The following PCSK5 variants were observed in gnomAD, a reference collection of about 807,000 sequenced individuals.
PCSK5 encodes the protein prohormone convertase 5.
A neutral mutation model predicts 233.2 loss-of-function variants in PCSK5; 129 were observed. The observed-to-expected ratio is 0.55, with a 90% CI of 0.48 to 0.64. The LOEUF (loss-of-function observed/expected upper bound fraction) is 0.64. PCSK5 is among the 30% of genes least tolerant of loss of function. The pLI is 0.00. For missense variants in PCSK5, 2,076 were observed against 2,430.1 expected, an observed-to-expected ratio of 0.85 and a Z score of 3.06; for synonymous variants, 825 against 879.2, an observed-to-expected ratio of 0.94 and a Z score of 1.09.
At chr9:76,098,716 GAA>G (rs1461170059) in intron 8 of PCSK5, among the ~76,000 whole-genome samples, 4 of 152,206 alleles carry the variant, frequency 2.6e-5, no homozygotes, top group Non-Finnish European at 5.9e-5. Context: ...TTCTGTAAGG[GAA>G]GCATATAGTC....
intron 2 of PCSK5, among the ~76,000 whole-genome samples, chr9:75,961,627 G>A (rs1044666312): frequency 6.6e-6 from 1 of 152,296 alleles, no homozygotes; most frequent in African/African-American, 2.4e-5. Flanking sequence ...TATTTCAACT[G>A]TCAATTTTAT....
At chr9:75,908,884 T>TATCTATCTATCG (rs1399043953) in intron 1 of PCSK5, among the ~76,000 whole-genome samples, 1 of 107,076 alleles carries the variant, frequency 9.3e-6, no homozygotes, top group East Asian at 2.5e-4. Context: ...TTTATCTATC[T>TATCTATCTATCG]ATCTATCTAT....
intron 2 of PCSK5, among the ~76,000 whole-genome samples, chr9:75,933,359 CCT>C (rs1484113882): frequency 6.6e-6 from 1 of 152,026 alleles, no homozygotes; most frequent in Non-Finnish European, 1.5e-5. Context: ...CTGTGGGCTC[CCT>C]GTGTATTATT....
intron 21 of PCSK5, among the ~76,000 whole-genome samples, chr9:76,228,127 G>A (rs573278993): frequency 3.9e-5 from 6 of 151,956 alleles, no homozygotes; most frequent in Admixed American, 1.3e-4. Context: ...CCACCACCAC[G>A]CCTGGCTAAC....
At chr9:76,115,528 T>G (rs1455887914) in intron 9 of PCSK5, among the ~76,000 whole-genome samples, 8 of 152,128 alleles carry the variant, frequency 5.3e-5, no homozygotes, top group African/African-American at 2.4e-5. Context: ...TGAGATTTAG[T>G]ATTAAATTTA....
chr9:76,328,056 A>G lies in PCSK5; in HGVS notation c.4387A>G (p.Thr1463Ala), dbSNP rs2131472598. The G allele has an allele frequency of 6.2e-7, 1 of 1,612,758 alleles. No individual in the cohort carries two copies. Among genetic ancestry groups the G allele is most frequent in the Non-Finnish European group, 8.5e-7 (1 of 1,179,818 alleles). Residue 1463 changes from threonine to alanine, a missense_variant, in exon 33 of 38, where the codon ACC becomes GCC. Thr to Ala is a moderately conservative substitution (Grantham distance 58, BLOSUM62 0). Around this residue, in one of 6 missense-constraint regions of PCSK5, gnomAD observed 1,510 missense variants for 1,538.1 expected, o/e 0.98. Transcript: ENST00000674117. ...CTGCTCATCATCTGGGACCTGCACCACCTGTCAGAAAGGCCTGATCATGAA... is the reference window on the plus strand; with the variant it reads ...CTGCTCATCATCTGGGACCTGCACCGCCTGTCAGAAAGGCCTGATCATGAA... ...LTCSSSGTCT[T>A]CQKGLIMNPR...
intron 5 of PCSK5, among the ~76,000 whole-genome samples, chr9:76,036,751 G>A (rs1013976256): frequency 3.3e-5 from 5 of 152,320 alleles, no homozygotes; most frequent in South Asian, 2.1e-4. Flanking sequence ...TGGCGGAATC[G>A]GAATTTGAGC....
intron 2 of PCSK5, among the ~76,000 whole-genome samples, chr9:75,943,745 A>G (rs922165530): frequency 6.6e-6 from 1 of 152,244 alleles, no homozygotes; most frequent in African/African-American, 2.4e-5. Context: ...GTGTAATGCA[A>G]TATAATGAAC....
At chr9:76,153,112 T>C (rs1823741901) in intron 10 of PCSK5, among the ~76,000 whole-genome samples, 1 of 152,202 alleles carries the variant, frequency 6.6e-6, no homozygotes, top group African/African-American at 2.4e-5. Flanking sequence ...TGATATCTTA[T>C]ACCTATCAAA....
intron 33 of PCSK5, among the ~76,000 whole-genome samples, chr9:76,329,166 C>T (rs571714835): frequency 7.1e-4 from 108 of 151,416 alleles, no homozygotes; most frequent in Non-Finnish European, 3.5e-4. Flanking sequence ...GTTGGCCAGG[C>T]GCAGTACCCA....
At chr9:75,946,161 G>A (rs1824556877) in intron 2 of PCSK5, among the ~76,000 whole-genome samples, 1 of 152,168 alleles carries the variant, frequency 6.6e-6, no homozygotes, top group Non-Finnish European at 1.5e-5. Flanking sequence ...AAGTGATAGA[G>A]GCAATAATAA....
At chr9:76,034,675 C>G (rs1241885605) in intron 5 of PCSK5, among the ~76,000 whole-genome samples, 1 of 152,134 alleles carries the variant, frequency 6.6e-6, no homozygotes, top group Non-Finnish European at 1.5e-5. Flanking sequence ...GGTTATCCCT[C>G]CAATCAGTTT....
At chr9:76,357,208 CA>C (rs1830324078) in intron 37 of PCSK5, among the ~76,000 whole-genome samples, 1 of 152,164 alleles carries the variant, frequency 6.6e-6, no homozygotes, top group African/African-American at 2.4e-5. Context: ...TGATGGATGA[CA>C]GGGGTTGGAA....
intron 2 of PCSK5, among the ~76,000 whole-genome samples, chr9:75,953,799 A>G (rs527810014): frequency 6.6e-6 from 1 of 152,036 alleles, no homozygotes; most frequent in South Asian, 2.1e-4. Flanking sequence ...TGTAAGTCAG[A>G]GTAATTAGAC....
chr9:76,256,986 G>A (rs760877719), intron 24 of PCSK5, among the ~76,000 whole-genome samples: 12 of 152,206 alleles, frequency 7.9e-5, no homozygotes, highest in Admixed American at 1.3e-4. Flanking sequence ...CATATCTTGA[G>A]TTCTTCAAGA....
At chr9:76,225,187 C>T (rs566271289) in intron 20 of PCSK5, among the ~76,000 whole-genome samples, 16 of 152,284 alleles carry the variant, frequency 1.1e-4, no homozygotes, top group African/African-American at 2.9e-4. Flanking sequence ...CCTTGGCTAG[C>T]AATTGTGTTA....
chr9:76,009,118 A>G (rs1349386095), intron 3 of PCSK5, among the ~76,000 whole-genome samples: 8 of 152,158 alleles, frequency 5.3e-5, no homozygotes, highest in Non-Finnish European at 8.8e-5. Context: ...CTAGAATGAT[A>G]CCTGGGATGG....
intron 1 of PCSK5, among the ~76,000 whole-genome samples, chr9:75,900,819 T>C (rs901247669): frequency 1.3e-5 from 2 of 151,816 alleles, no homozygotes; most frequent in Non-Finnish European, 2.9e-5. Context: ...ATCCCAATTG[T>C]ATGTGAATTT....
At chr9:75,925,232 AT>A (rs1823432757) in intron 1 of PCSK5, among the ~76,000 whole-genome samples, 1 of 152,182 alleles carries the variant, frequency 6.6e-6, no homozygotes, top group African/African-American at 2.4e-5. Context: ...ATATATTTTT[AT>A]TCATTCCCCA....
Sources: gnomAD v4.1 joint callset for allele counts (sites outside exome capture counted in the v4.1 genomes callset) on GRCh38, gnomAD v4.1.1 for gene constraint, gnomAD v4.1.1 regional missense constraint, MANE v1.5 for transcripts, NCBI Gene and HGNC (gene_info 2026-07-23, HGNC 2026-07-21) for gene names.